The following PPP2R5C variants were observed in gnomAD, a reference collection of about 807,000 sequenced individuals.
PPP2R5C encodes protein phosphatase 2 regulatory subunit B'gamma, also known as serine/threonine-protein phosphatase 2A 56 kDa regulatory subunit gamma isoform.
A neutral mutation model predicts 68.9 loss-of-function variants in PPP2R5C; 7 were observed. The ratio of observed to expected loss-of-function variants is 0.10; its 90% CI spans 0.06 to 0.19. The LOEUF (loss-of-function observed/expected upper bound fraction) is 0.19. Ranked by LOEUF, PPP2R5C falls within the 10% of genes least tolerant of loss-of-function variation. The pLI is 1.00. For missense variants in PPP2R5C, 348 were observed against 641.3 expected, an observed-to-expected ratio of 0.54 and a Z score of 4.94; for synonymous variants, 210 against 222.2, an observed-to-expected ratio of 0.95 and a Z score of 0.49.
intron 8 of PPP2R5C, among the ~76,000 whole-genome samples, chr14:101,901,112 A>G (rs983407639): frequency 6.6e-6 from 1 of 152,266 alleles, no homozygotes; most frequent in Non-Finnish European, 1.5e-5. Flanking sequence ...ACACATATGG[A>G]TGGTTGATAA....
intron 1 of PPP2R5C, among the ~76,000 whole-genome samples, chr14:101,814,039 C>T (rs533574664): frequency 6.6e-6 from 1 of 152,304 alleles, no homozygotes; most frequent in South Asian, 2.1e-4. Flanking sequence ...TTAATAATAA[C>T]AATAGCTATA....
At chr14:101,876,363 T>G (rs1335191664) in intron 2 of PPP2R5C, among the ~76,000 whole-genome samples, 1 of 151,766 alleles carries the variant, frequency 6.6e-6, no homozygotes, top group Non-Finnish European at 1.5e-5. Context: ...AACAGAGAAC[T>G]GTAAATAATC....
intron 1 of PPP2R5C, among the ~76,000 whole-genome samples, chr14:101,851,734 C>T (rs955476967): frequency 6.6e-5 from 10 of 152,144 alleles, no homozygotes; most frequent in Middle Eastern, 3.2e-3. Context: ...AGCTGCCATG[C>T]TGAAAGTTGG....
At chr14:101,812,216 G>A (rs892045206) in intron 1 of PPP2R5C, among the ~76,000 whole-genome samples, 4 of 152,190 alleles carry the variant, frequency 2.6e-5, no homozygotes, top group African/African-American at 9.7e-5. Context: ...AGTGCTGAGC[G>A]TCATTACAGT....
chr14:101,910,559 G>A (rs1307935360), intron 11 of PPP2R5C, among the ~76,000 whole-genome samples: 1 of 152,196 alleles, frequency 6.6e-6, no homozygotes, highest in African/African-American at 2.4e-5. Flanking sequence ...TGGGCCGGGT[G>A]CGGTGGCTCA....
At chr14:101,779,358 C>G (rs1302658589) in intron 2 of PPP2R5C, among the ~76,000 whole-genome samples, 1 of 152,054 alleles carries the variant, frequency 6.6e-6, no homozygotes, top group Non-Finnish European at 1.5e-5. Context: ...TAAGGGAACC[C>G]CCTTAAGAAC....
intron 2 of PPP2R5C, among the ~76,000 whole-genome samples, chr14:101,881,434 A>C (rs2044165927): frequency 6.6e-6 from 1 of 152,234 alleles, no homozygotes; most frequent in Admixed American, 6.5e-5. Flanking sequence ...ATTTAGTACA[A>C]AATAAAAATA....
Position 101,882,304 on chromosome 14 carries a change from A to C in PPP2R5C, c.405+33A>C. 2.0e-6 allele frequency: 3 copies of C among 1,520,740 alleles called. No homozygotes were observed. Among genetic ancestry groups the C allele is most frequent in the Non-Finnish European group, 2.7e-6 (3 of 1,108,192 alleles). The allele number at this position is 1,520,740 out of a possible 1,614,324, so 94.2% of individuals were successfully genotyped here. A position where few individuals can be genotyped will look rare whatever the true frequency, so the allele number is the denominator to read the frequency against. The stretch of plus-strand genomic sequence containing the variant: ...GCTCTGGGTGATAGACTCGGAGGGC[A>C]CTGGTGACACATGGGAATGGCCTGG... On this transcript the variant is annotated intron_variant, in intron 3 of 13. Coordinates refer to ENST00000334743, the Ensembl canonical transcript of PPP2R5C. The surrounding 1 kb of genome is among the most constrained non-coding windows in gnomAD (Gnocchi z 4.9).
At chr14:101,792,569 A>G (rs117073362) in intron 3 of PPP2R5C, among the ~76,000 whole-genome samples, 1 of 152,294 alleles carries the variant, frequency 6.6e-6, no homozygotes, top group East Asian at 1.9e-4. Flanking sequence ...GTCTTTTATT[A>G]CCAGTTCCCT....
In PPP2R5C at chr14:101,829,784, C is replaced by T. The variant is rs2281771; in HGVS notation, c.94+19748C>T. On this transcript the variant is annotated intron_variant, in intron 1 of 13. Coordinates refer to ENST00000334743, the Ensembl canonical transcript of PPP2R5C. ...CAGCTCCACATGGTGGCCTCCCTGC[C>T]CCCAGCTCATCCTTACGCAGTGCCT... is the stretch of plus-strand genomic sequence containing the variant. 1.4e-4 allele frequency among the ~76,000 whole-genome samples: 22 copies of T among 152,254 alleles called. No individual in the cohort carries two copies. In the East Asian group the frequency reaches 4.3e-3, roughly 29 times the overall value.
At position 101,876,416 on chromosome 14, in the gene PPP2R5C, GT is replaced by G. The variant is rs71116856; in HGVS notation, c.295-5734del. Reference sequence around the variant, plus strand: ...TGCCTCTAAAGTTAGACTGTCAGCGGTTTTTTTTTTTAATGTATCCCTTCAT... The same window carrying G: ...TGCCTCTAAAGTTAGACTGTCAGCGGTTTTTTTTTTAATGTATCCCTTCAT... On this transcript the variant is annotated intron_variant, in intron 2 of 13. Coordinates refer to ENST00000334743, the Ensembl canonical transcript of PPP2R5C. 7.7e-3 allele frequency among the ~76,000 whole-genome samples: 1,123 copies of G among 146,100 alleles called. 17 individuals are homozygous for G. The highest frequency in any genetic ancestry group is 0.026 in the African/African-American group (1,038 of 39,998).
At chr14:101,762,870 G>A in intron 1 of PPP2R5C, 35 bp from the exon 2 acceptor site, 1 of 1,547,844 alleles carries the variant, frequency 6.5e-7, no homozygotes, top group African/African-American at 1.4e-5. Flanking sequence ...TCTAAAAAGT[G>A]AGAAGACTAA....
chr14:101,856,565 C>T (rs1490921584), intron 1 of PPP2R5C, 121 bp from the exon 4 acceptor site: 1 of 911,298 alleles, frequency 1.1e-6, no homozygotes, highest in East Asian at 2.4e-5. Flanking sequence ...TTTACCCCAC[C>T]CATCTCCTTT....
At chr14:101,780,780 G>T (rs1465410328) in intron 2 of PPP2R5C, among the ~76,000 whole-genome samples, 1 of 152,198 alleles carries the variant, frequency 6.6e-6, no homozygotes, top group Non-Finnish European at 1.5e-5. Flanking sequence ...GTGGCAGTTT[G>T]TTCCGTTTAC....
rs117405052 is a variant in PPP2R5C at position 101,921,744 on chromosome 14, G to C, written c.1444-3397G>C. On this transcript the variant is annotated intron_variant, in intron 13 of 13. Transcript: ENST00000334743. ...TGATGTGAGTGTTGGGTAGGGAGAG[G>C]TGTGAGAGGTAGTTGAAGGAATAGC... Among the ~76,000 whole-genome samples, 110 of 152,196 alleles carry C rather than the reference G, an allele frequency of 7.2e-4. No homozygotes were observed. In the East Asian group the frequency reaches 0.019, roughly 27 times the overall value.
chr14:101,925,365 C>T, exon 14 of PPP2R5C: 1 of 1,515,072 alleles, frequency 6.6e-7, no homozygotes, highest in Non-Finnish European at 8.8e-7. Flanking sequence ...ATCAGTTACA[C>T]TCAAAGCTTT....
At chr14:101,847,681 T>C (rs1041022443) in intron 1 of PPP2R5C, among the ~76,000 whole-genome samples, 6 of 150,792 alleles carry the variant, frequency 4.0e-5, no homozygotes, top group African/African-American at 1.2e-4. Flanking sequence ...TTTTTTTTTT[T>C]TCCTGAGACG....
chr14:101,770,834 C>T (rs754175618), intron 2 of PPP2R5C, among the ~76,000 whole-genome samples: 2 of 152,242 alleles, frequency 1.3e-5, no homozygotes, highest in African/African-American at 4.8e-5. Flanking sequence ...GCATCCTTAG[C>T]GGAGCTGAGT....
At chr14:101,777,114 C>T (rs986134236) in intron 2 of PPP2R5C, among the ~76,000 whole-genome samples, 1 of 151,932 alleles carries the variant, frequency 6.6e-6, no homozygotes, top group Non-Finnish European at 1.5e-5. Context: ...CTCCTGACCT[C>T]GTGATCCGCC....
Sources: gnomAD v4.1 joint callset for allele counts (sites outside exome capture counted in the v4.1 genomes callset) on GRCh38, gnomAD v4.1.1 for gene constraint, Gnocchi (gnomAD v3.1) non-coding constraint, MANE v1.5 for transcripts, NCBI Gene and HGNC (gene_info 2026-07-23, HGNC 2026-07-21) for gene names.